SETBP1: variants seen among roughly 807,000 people sequenced by gnomAD.
SETBP1 encodes the protein SET binding protein 1.
A neutral mutation model predicts 101.0 loss-of-function variants in SETBP1; 9 were observed. That is an observed-to-expected ratio of 0.09 (90% CI 0.05 to 0.16). SETBP1 has a LOEUF of 0.16. Among genes scored for constraint, SETBP1 ranks in the 10% least tolerant of loss-of-function variants. SETBP1 has a pLI of 1.00. For synonymous variants in SETBP1, 818 were observed against 788.5 expected, an observed-to-expected ratio of 1.04 and a Z score of -0.63; for missense variants, 1,858 against 2,033.8, an observed-to-expected ratio of 0.91 and a Z score of 1.66.
intron 4 of SETBP1, among the ~76,000 whole-genome samples, chr18:44,965,573 CA>C (rs1284247879): frequency 6.6e-6 from 1 of 152,078 alleles, no homozygotes; most frequent in Non-Finnish European, 1.5e-5. Flanking sequence ...CCAGTAAGTC[CA>C]CATCTATATA....
At chr18:44,909,513 T>TATCG (rs1308277549) in intron 3 of SETBP1, among the ~76,000 whole-genome samples, 1 of 152,020 alleles carries the variant, frequency 6.6e-6, no homozygotes, top group African/African-American at 2.4e-5. Context: ...TAGGAGGGAG[T>TATCG]ATCGTACCAA....
chr18:44,971,230 A>G (rs2071850837), intron 4 of SETBP1, among the ~76,000 whole-genome samples: 1 of 152,186 alleles, frequency 6.6e-6, no homozygotes, highest in African/African-American at 2.4e-5. Context: ...GCTGCATAGT[A>G]TTCCATGGTG....
At chr18:44,986,030 A>G (rs142356685) in intron 4 of SETBP1, 59 of 152,334 alleles carry the variant, frequency 3.9e-4, no homozygotes, top group African/African-American at 1.4e-3. Flanking sequence ...AGGAACAACT[A>G]CAAAATGATG....
chr18:44,941,348 A>G (rs1429889165), intron 3 of SETBP1, among the ~76,000 whole-genome samples: 2 of 152,118 alleles, frequency 1.3e-5, no homozygotes, highest in East Asian at 3.9e-4. Context: ...TTGGCTTCCC[A>G]AAGTGCTGGG....
At chr18:44,791,494 G>A (rs577240064) in intron 2 of SETBP1, among the ~76,000 whole-genome samples, 26 of 152,250 alleles carry the variant, frequency 1.7e-4, no homozygotes, top group Admixed American at 5.2e-4. Flanking sequence ...CCTCACATCA[G>A]CCTCTGAGGA....
At chr18:44,728,162 GCA>G (rs1183287141) in intron 2 of SETBP1, among the ~76,000 whole-genome samples, 1 of 152,150 alleles carries the variant, frequency 6.6e-6, no homozygotes, top group Non-Finnish European at 1.5e-5. Flanking sequence ...GATCACTTTT[GCA>G]CAGTTTGGCT....
chr18:44,964,344 A>C (rs1190215248), intron 4 of SETBP1, among the ~76,000 whole-genome samples: 1 of 152,150 alleles, frequency 6.6e-6, no homozygotes, highest in Non-Finnish European at 1.5e-5. Context: ...GTTCAAAACC[A>C]GCCTGGGCAA....
chr18:44,919,013 C>T (rs547797529), intron 3 of SETBP1, among the ~76,000 whole-genome samples: 24 of 152,296 alleles, frequency 1.6e-4, no homozygotes, highest in African/African-American at 2.2e-4. Flanking sequence ...CAGCATAGCT[C>T]GGCCCAGTGC....
chr18:44,708,278 G>C (rs1169688406), intron 2 of SETBP1, among the ~76,000 whole-genome samples: 2 of 152,208 alleles, frequency 1.3e-5, no homozygotes, highest in East Asian at 3.9e-4. Flanking sequence ...AGAAGACTTG[G>C]CCTCTCTTCT....
chr18:44,971,918 T>G (rs2071871199), intron 4 of SETBP1, among the ~76,000 whole-genome samples: 1 of 151,826 alleles, frequency 6.6e-6, no homozygotes, highest in African/African-American at 2.4e-5. Flanking sequence ...TTGTTGCCAT[T>G]GCTTTTGGTG....
chr18:44,861,533 T>C (rs2069012409), intron 2 of SETBP1, among the ~76,000 whole-genome samples: 1 of 152,064 alleles, frequency 6.6e-6, no homozygotes. Flanking sequence ...GAATGTTAGA[T>C]ACAACATGGA....
intron 2 of SETBP1, among the ~76,000 whole-genome samples, chr18:44,836,526 T>G (rs185715530): frequency 6.6e-6 from 1 of 152,296 alleles, no homozygotes; most frequent in East Asian, 1.9e-4. Context: ...CTCCACTCTT[T>G]CCTTAGGATT....
chr18:44,815,993 T>C (rs1426405951), intron 2 of SETBP1, among the ~76,000 whole-genome samples: 1 of 152,184 alleles, frequency 6.6e-6, no homozygotes, highest in Non-Finnish European at 1.5e-5. Context: ...ACACTGTTTC[T>C]TTTGCTGAAC....
intron 2 of SETBP1, among the ~76,000 whole-genome samples, chr18:44,819,955 A>C (rs1260893206): frequency 6.7e-6 from 1 of 148,778 alleles, no homozygotes; most frequent in South Asian, 2.2e-4. Flanking sequence ...CATTCTTTAC[A>C]AAAAAAAAAG....
intron 4 of SETBP1, among the ~76,000 whole-genome samples, chr18:45,035,619 A>G (rs1265872215): frequency 6.6e-6 from 1 of 152,230 alleles, no homozygotes; most frequent in Non-Finnish European, 1.5e-5. Flanking sequence ...TAAATATCTG[A>G]CTGCTAATCC....
intron 4 of SETBP1, among the ~76,000 whole-genome samples, chr18:44,990,194 G>A (rs866582871): frequency 3.3e-4 from 50 of 152,174 alleles, no homozygotes; most frequent in Admixed American, 1.3e-3. Context: ...TTTCCCAAGC[G>A]TATACTGCAG....
intron 2 of SETBP1, among the ~76,000 whole-genome samples, chr18:44,749,284 G>A (rs763230105): frequency 1.1e-4 from 17 of 152,304 alleles, no homozygotes; most frequent in South Asian, 2.1e-4. Flanking sequence ...AAGGTGAGGC[G>A]CAGAGATGCA....
chr18:44,987,271 G>A (rs138593021), intron 4 of SETBP1: 2 of 152,292 alleles, frequency 1.3e-5, no homozygotes, highest in East Asian at 1.9e-4. Flanking sequence ...TTCTCCAGAA[G>A]AGCCCCCAGA....
At chr18:44,925,574 T>C (rs1390099114) in intron 3 of SETBP1, among the ~76,000 whole-genome samples, 2 of 152,238 alleles carry the variant, frequency 1.3e-5, no homozygotes, top group African/African-American at 2.4e-5. Flanking sequence ...AGGAAGGTAG[T>C]GAGTTTTCAG....
Sources: allele counts gnomAD v4.1 joint callset (sites outside exome capture counted in the v4.1 genomes callset), GRCh38; gene constraint gnomAD v4.1.1; transcripts MANE v1.5; gene names NCBI Gene and HGNC (gene_info 2026-07-23, HGNC 2026-07-21).